Variants in PARP8 observed in about 807,000 individuals in gnomAD.
The protein encoded by PARP8 is poly(ADP-ribose) polymerase family member 8.
PARP8 carries 51 observed loss-of-function variants against 124.1 expected under a neutral mutation model. The ratio of observed to expected loss-of-function variants is 0.41; its 90% CI spans 0.33 to 0.52. The LOEUF is 0.52. Among genes scored for constraint, PARP8 ranks in the 20% least tolerant of loss-of-function variants. The pLI is 0.21. For synonymous variants in PARP8, 391 were observed against 361.5 expected (o/e 1.08, Z -0.93); for missense variants, 860 against 1,018.9 (o/e 0.84, Z 2.12).
At chr5:50,735,806 G>A (rs1219861741) in intron 2 of PARP8, among the ~76,000 whole-genome samples, 1 of 151,986 alleles carries the variant, frequency 6.6e-6, no homozygotes, top group Non-Finnish European at 1.5e-5. Flanking sequence ...GTTTTAAGTG[G>A]GGGTTGGTAT....
At chr5:50,806,132 CA>C (rs1473749046) in intron 14 of PARP8, among the ~76,000 whole-genome samples, 1 of 151,964 alleles carries the variant, frequency 6.6e-6, no homozygotes, top group Non-Finnish European at 1.5e-5. Flanking sequence ...TGTGGATTTT[CA>C]AGTGTAATCC....
At position 50,779,224 on chromosome 5, in the gene PARP8, C is replaced by A. The variant is rs150137872; in HGVS notation, c.670+574C>A. Among the ~76,000 whole-genome samples the A allele has an allele frequency of 5.9e-5, 9 of 152,048 alleles. No individual in the cohort carries two copies. In the East Asian group the frequency reaches 1.7e-3, roughly 29 times the overall value. The stretch of plus-strand genomic sequence containing the variant: ...ACACACACATGCATGCACACACACG[C>A]ATGCACACACACACAATTGTATCTA... On this transcript the variant is annotated intron_variant, in intron 9 of 25. Coordinates refer to ENST00000281631, the MANE Select transcript of PARP8 (RefSeq NM_024615.4).
Position 50,772,791 on chromosome 5 carries a change from G to A in PARP8, c.519-5278G>A, listed in dbSNP as rs190099466. Among the ~76,000 whole-genome samples the A allele has an allele frequency of 3.3e-4, 50 of 152,292 alleles. 1 individual carries two copies. In the East Asian group the frequency reaches 7.1e-3, roughly 22 times the overall value. Reference sequence around the variant, plus strand: ...GGCTCACTGCAACCTCTGCCGACTGGGTTCAAGCGATTATCATGCCTCAGC... The same window carrying A: ...GGCTCACTGCAACCTCTGCCGACTGAGTTCAAGCGATTATCATGCCTCAGC... On this transcript the variant is annotated intron_variant, in intron 7 of 25. Transcript: ENST00000281631.
intron 2 of PARP8, among the ~76,000 whole-genome samples, chr5:50,747,637 T>C (rs1472885996): frequency 6.6e-6 from 1 of 152,052 alleles, no homozygotes; most frequent in Non-Finnish European, 1.5e-5. Flanking sequence ...ATGATCTCTT[T>C]ATATCTTTAG....
intron 25 of PARP8, among the ~76,000 whole-genome samples, chr5:50,840,218 C>A (rs551763729): frequency 6.6e-6 from 1 of 151,834 alleles, no homozygotes; most frequent in Non-Finnish European, 1.5e-5. Flanking sequence ...TGATTCGATT[C>A]GATTCAATTC....
At chr5:50,710,315 G>A (rs1252948429) in intron 2 of PARP8, among the ~76,000 whole-genome samples, 1 of 151,816 alleles carries the variant, frequency 6.6e-6, no homozygotes, top group African/African-American at 2.4e-5. Context: ...GATTGTTTTT[G>A]TACTTTCATG....
intron 2 of PARP8, among the ~76,000 whole-genome samples, chr5:50,718,132 GAAAT>G (rs952091325): frequency 1.3e-5 from 2 of 151,958 alleles, no homozygotes; most frequent in African/African-American, 4.8e-5. Context: ...AATGATCTAA[GAAAT>G]AAGGGGAATT....
At chr5:50,819,152 A>G (rs934912755) in intron 15 of PARP8, among the ~76,000 whole-genome samples, 2 of 152,210 alleles carry the variant, frequency 1.3e-5, no homozygotes, top group African/African-American at 4.8e-5. Context: ...ACTTTGGTGC[A>G]TCCCATGTAA....
intron 25 of PARP8, among the ~76,000 whole-genome samples, chr5:50,841,580 C>A (rs1748183866): frequency 6.6e-6 from 1 of 151,682 alleles, no homozygotes; most frequent in African/African-American, 2.4e-5. Flanking sequence ...AAGAAATGAT[C>A]GAAGTAGGAG....
At chr5:50,811,295 TG>T (rs1561414956) in intron 14 of PARP8, among the ~76,000 whole-genome samples, 1 of 151,882 alleles carries the variant, frequency 6.6e-6, no homozygotes, top group Non-Finnish European at 1.5e-5. Context: ...AGACCAGGGT[TG>T]GGGGGCACTG....
intron 14 of PARP8, among the ~76,000 whole-genome samples, chr5:50,805,351 G>A (rs867017379): frequency 3.9e-5 from 6 of 152,074 alleles, no homozygotes; most frequent in South Asian, 2.1e-4. Flanking sequence ...TAGATATTTG[G>A]CCTATTATTT....
intron 3 of PARP8, among the ~76,000 whole-genome samples, chr5:50,750,796 A>G (rs1759170073): frequency 6.6e-6 from 1 of 152,170 alleles, no homozygotes. Flanking sequence ...ATAGTATTCT[A>G]TAAAACTATT....
rs113875204 is a variant in PARP8 at position 50,714,252 on chromosome 5, C to A, written c.147-35899C>A. ...CCTTACACACAACAGCTCACCAACA[C>A]CGATTGCTGCTTGGCTCAACATAGA... On this transcript the variant is annotated intron_variant, in intron 2 of 25. Coordinates refer to ENST00000281631, the MANE Select transcript of PARP8 (RefSeq NM_024615.4). Among the ~76,000 whole-genome samples the A allele has an allele frequency of 5.8e-3, 875 of 151,982 alleles. 3 individuals carry two copies. Among genetic ancestry groups the A allele is most frequent in the African/African-American group, 0.02 (827 of 41,474 alleles).
chr5:50,736,813 G>A (rs1318867329), intron 2 of PARP8, among the ~76,000 whole-genome samples: 1 of 151,920 alleles, frequency 6.6e-6, no homozygotes, highest in East Asian at 1.9e-4. Flanking sequence ...ATTTCCAAAG[G>A]TAATTCTTCA....
chr5:50,763,585 A>G (rs1398131440), intron 7 of PARP8, among the ~76,000 whole-genome samples: 1 of 152,184 alleles, frequency 6.6e-6, no homozygotes, highest in African/African-American at 2.4e-5. Context: ...GGATAAAAGT[A>G]AATGATGCCT....
At position 50,685,986 on chromosome 5, in the gene PARP8, G is replaced by T. The variant is rs189024899; in HGVS notation, c.146+17861G>T. On this transcript the variant is annotated intron_variant, in intron 2 of 25. Transcript: ENST00000281631. ...GGACACAGCCAAACCATTCTGCCCT[G>T]GGCCCCTCCCAAATCTCATGTCCTC... Among the ~76,000 whole-genome samples, 1,133 of 152,168 alleles carry T rather than the reference G, an allele frequency of 7.4e-3. 10 individuals carry two copies. Among genetic ancestry groups the T allele is most frequent in the African/African-American group, 0.026 (1,087 of 41,520 alleles).
intron 2 of PARP8, among the ~76,000 whole-genome samples, chr5:50,706,636 A>C (rs1422294132): frequency 1.3e-5 from 2 of 152,102 alleles, no homozygotes; most frequent in Non-Finnish European, 2.9e-5. Context: ...TCAGCATATT[A>C]TACCTGTAAT....
intron 10 of PARP8, among the ~76,000 whole-genome samples, chr5:50,792,104 G>A (rs1742027248): frequency 1.3e-5 from 2 of 152,074 alleles, no homozygotes; most frequent in Admixed American, 6.5e-5. Context: ...CTCTTGACGC[G>A]ATGCAAATGT....
intron 1 of PARP8, 143 bp downstream of exon 1, chr5:50,667,329 G>C (rs1028979348): frequency 1.1e-6 from 1 of 897,944 alleles, no homozygotes; most frequent in Non-Finnish European, 1.8e-6. Context: ...CAACGAGCGC[G>C]GGAGCCAAAA....
Sources: allele counts gnomAD v4.1 joint callset (sites outside exome capture counted in the v4.1 genomes callset), GRCh38; gene constraint gnomAD v4.1.1; transcripts MANE v1.5; gene names NCBI Gene and HGNC (gene_info 2026-07-23, HGNC 2026-07-21).